The following SVIL variants were observed in gnomAD, a reference collection of about 807,000 sequenced individuals.
The protein encoded by SVIL is supervillin, also known as archvillin.
Under a neutral mutation model 240.4 loss-of-function variants are expected in SVIL, and 101 were observed. The observed-to-expected ratio is 0.42, with a 90% CI of 0.36 to 0.50. The LOEUF is 0.50. SVIL is among the 20% of genes least tolerant of loss of function. The probability of loss-of-function intolerance (pLI) is 0.01; values close to 1 mark genes in which losing one functional copy is unlikely to be tolerated. For missense variants in SVIL, 2,512 were observed against 2,818.7 expected (o/e 0.89, Z 2.46); for synonymous variants, 999 against 1,100.0 (o/e 0.91, Z 1.82).
intron 31 of SVIL, 146 bp from the exon 32 acceptor site, chr10:29,470,629 G>T: frequency 1.1e-6 from 1 of 886,430 alleles, no homozygotes; most frequent in South Asian, 1.6e-5. Context: ...CTGAGGCACT[G>T]CACAGGGAGC....
At chr10:29,667,183 T>C (rs1421584327) in intron 2 of SVIL, among the ~76,000 whole-genome samples, 1 of 152,198 alleles carries the variant, frequency 6.6e-6, no homozygotes, top group Non-Finnish European at 1.5e-5. Context: ...CATAAAAATC[T>C]GCTCATAAAT....
chr10:29,468,636 A>G (rs1011442766), intron 32 of SVIL, among the ~76,000 whole-genome samples: 1 of 147,694 alleles, frequency 6.8e-6, no homozygotes, highest in Non-Finnish European at 1.5e-5. Flanking sequence ...ATATATATAT[A>G]CATATATATA....
chr10:29,541,968 T>A (rs553375862), intron 6 of SVIL, among the ~76,000 whole-genome samples: 1 of 152,296 alleles, frequency 6.6e-6, no homozygotes, highest in South Asian at 2.1e-4. Context: ...TATAAACAAG[T>A]GCTGCTCACA....
rs907679807 is a variant in SVIL at position 29,703,346 on chromosome 10, C to G, written c.-399-16695G>C. Among the ~76,000 whole-genome samples the G allele has an allele frequency of 6.6e-5, 10 of 152,330 alleles. No homozygotes were observed. The East Asian group carries it at 9.6e-4, about 15-fold the overall frequency. The stretch of plus-strand genomic sequence containing the variant: ...GCTTCCCCTTCCCCAGACCAGCCCC[C>G]CACTGCTCCAGAGATGTCAGGCCTT... On this transcript the variant is annotated intron_variant, in intron 1 of 35. Transcript: ENST00000375400.
At chr10:29,693,752 C>T (rs1336511379) in intron 1 of SVIL, among the ~76,000 whole-genome samples, 1 of 152,130 alleles carries the variant, frequency 6.6e-6, no homozygotes, top group Admixed American at 6.6e-5. Flanking sequence ...GTGAGAAAAG[C>T]CAGGATACTA....
rs143070598 is a variant in SVIL at position 29,573,035 on chromosome 10, G to A, written c.-200-3723C>T. Among the ~76,000 whole-genome samples the A allele has an allele frequency of 7.0e-4, 106 of 151,272 alleles. No homozygotes were observed. In the East Asian group the frequency reaches 9.1e-3, roughly 13 times the overall value. On this transcript the variant is annotated intron_variant, in intron 1 of 37. Coordinates refer to ENST00000355867, the MANE Select transcript of SVIL (RefSeq NM_021738.3). ...TAATTTTTTTTCAAATTTTCCTGTC[G>A]CTTGCTTTTCCTTTTCTCCTTTTTT...
intron 1 of SVIL, among the ~76,000 whole-genome samples, chr10:29,694,231 CAAA>C (rs61095076): frequency 1.3e-4 from 13 of 99,840 alleles, no homozygotes; most frequent in African/African-American, 1.9e-4. Flanking sequence ...CTGTGTCTAC[CAAA>C]AAAAAAAAAA....
intron 1 of SVIL, among the ~76,000 whole-genome samples, chr10:29,693,848 A>C (rs1280407057): frequency 2.0e-5 from 3 of 152,232 alleles, no homozygotes; most frequent in Admixed American, 2.0e-4. Flanking sequence ...TTCTTTCTTC[A>C]TTAGATCATT....
At chr10:29,722,222 TAAAAAAAA>T (rs367974093) in intron 1 of SVIL, among the ~76,000 whole-genome samples, 49 of 117,772 alleles carry the variant, frequency 4.2e-4, no homozygotes, top group Admixed American at 1.5e-3. Context: ...GACTCTGTCT[TAAAAAAAA>T]AAAAAAAAAG....
intron 5 of SVIL, among the ~76,000 whole-genome samples, chr10:29,554,156 T>C (rs1414948433): frequency 6.6e-6 from 1 of 151,980 alleles, no homozygotes; most frequent in Admixed American, 6.6e-5. Flanking sequence ...TTAGCAAATC[T>C]ATTTAATAGC....
chr10:29,678,637 G>A (rs1183124852), intron 2 of SVIL, among the ~76,000 whole-genome samples: 2 of 152,218 alleles, frequency 1.3e-5, no homozygotes, highest in Non-Finnish European at 2.9e-5. Context: ...TGTTGATTTA[G>A]CCAAGAGGCT....
intron 15 of SVIL, among the ~76,000 whole-genome samples, chr10:29,523,152 T>C (rs1160763348): frequency 6.6e-6 from 1 of 152,090 alleles, no homozygotes; most frequent in Non-Finnish European, 1.5e-5. Context: ...TTTGGGGTCA[T>C]CAATTTCTAA....
chr10:29,671,515 C>A (rs746606647), intron 2 of SVIL, among the ~76,000 whole-genome samples: 23 of 152,202 alleles, frequency 1.5e-4, no homozygotes, highest in Non-Finnish European at 2.9e-4. Flanking sequence ...ACAGATTTTT[C>A]TGGCTTATTG....
chr10:29,684,472 G>A (rs1960905775), intron 2 of SVIL, among the ~76,000 whole-genome samples: 1 of 152,170 alleles, frequency 6.6e-6, no homozygotes, highest in African/African-American at 2.4e-5. Flanking sequence ...GTCATAGGTG[G>A]AGTCAAAGAT....
chr10:29,633,238 A>C (rs1371728963), intron 1 of SVIL, among the ~76,000 whole-genome samples: 1 of 35,576 alleles, frequency 2.8e-5, no homozygotes, highest in Non-Finnish European at 7.0e-5. Flanking sequence ...CTCCATCTCA[A>C]AAAAAAAAAA....
At position 29,599,455 on chromosome 10, in the gene SVIL, G is replaced by A. The variant is rs147982248; in HGVS notation, c.-200-30143C>T. Among the ~76,000 whole-genome samples the A allele has an allele frequency of 9.9e-3, 1,486 of 150,110 alleles. 14 individuals are homozygous for A. Among genetic ancestry groups the A allele is most frequent in the South Asian group, 0.026 (125 of 4,774 alleles). On this transcript the variant is annotated intron_variant, in intron 1 of 37. Coordinates refer to ENST00000355867, the MANE Select transcript of SVIL (RefSeq NM_021738.3). ...TTTTGAGACAGAGTCTCGCTCTCTCGCCCAGGCTGGAGTGCAGAGGCATGA... is the reference window on the plus strand; with the variant it reads ...TTTTGAGACAGAGTCTCGCTCTCTCACCCAGGCTGGAGTGCAGAGGCATGA...
intron 1 of SVIL, among the ~76,000 whole-genome samples, chr10:29,733,759 C>T (rs1964751118): frequency 1.3e-5 from 2 of 152,326 alleles, no homozygotes; most frequent in South Asian, 4.1e-4. Flanking sequence ...GCTGCCTCTA[C>T]CTAGGACGTT....
intron 21 of SVIL, 83 bp downstream of exon 21, chr10:29,493,131 G>C: frequency 6.9e-7 from 1 of 1,445,130 alleles, no homozygotes; most frequent in Non-Finnish European, 9.4e-7. Context: ...GGCCACACTG[G>C]GGGAAAAGCC....
chr10:29,693,888 T>C (rs533264319), intron 1 of SVIL, among the ~76,000 whole-genome samples: 57 of 152,128 alleles, frequency 3.7e-4, no homozygotes, highest in Admixed American at 1.7e-3. Context: ...GCCTAAAAAA[T>C]GGAGTGTTTT....
Sources: allele counts gnomAD v4.1 joint callset (sites outside exome capture counted in the v4.1 genomes callset), GRCh38; gene constraint gnomAD v4.1.1; transcripts MANE v1.5; gene names NCBI Gene and HGNC (gene_info 2026-07-23, HGNC 2026-07-21).